The following TNS4 variants were observed in gnomAD, a reference collection of about 807,000 sequenced individuals.
TNS4 encodes tensin-4.
In TNS4, 46 loss-of-function variants were observed where a neutral mutation model predicts 70.4. The observed-to-expected ratio is 0.65, with a 90% CI of 0.52 to 0.84. TNS4 has a LOEUF of 0.84. TNS4 is among the 40% of genes least tolerant of loss of function. TNS4 has a pLI of 0.00. For missense variants in TNS4, 863 were observed against 907.0 expected, an observed-to-expected ratio of 0.95 and a Z score of 0.62; for synonymous variants, 390 against 366.6, an observed-to-expected ratio of 1.06 and a Z score of -0.73.
chr17:40,497,534 C>G (rs2036160545), intron 1 of TNS4, among the ~76,000 whole-genome samples: 1 of 152,166 alleles, frequency 6.6e-6, no homozygotes, highest in Non-Finnish European at 1.5e-5. Flanking sequence ...AGCTGGGAGG[C>G]AGAGGTTGCA....
At chr17:40,487,858 A>G (rs931533836) in intron 3 of TNS4, among the ~76,000 whole-genome samples, 1 of 152,196 alleles carries the variant, frequency 6.6e-6, no homozygotes, top group African/African-American at 2.4e-5. Context: ...ACCGTGGCTG[A>G]TGCAGAGGGA....
At chr17:40,478,264 C>T (rs1276776589) in intron 12 of TNS4, 43 bp downstream of exon 12, 11 of 1,613,236 alleles carry the variant, frequency 6.8e-6, no homozygotes, top group Non-Finnish European at 9.3e-6. Context: ...CTGCAGTTCC[C>T]TCCCCATGTT....
At chr17:40,490,205 G>A (rs2036049965) in intron 2 of TNS4, among the ~76,000 whole-genome samples, 1 of 152,236 alleles carries the variant, frequency 6.6e-6, no homozygotes, top group African/African-American at 2.4e-5. Flanking sequence ...CCAGGCTGCC[G>A]ACGCGCTCCA....
In TNS4 at chr17:40,477,350, A is replaced by T; in HGVS notation, c.*238T>A. The T allele has an allele frequency of 2.0e-6, 1 of 504,786 alleles. No homozygotes were observed. Among genetic ancestry groups the T allele is most frequent in the Non-Finnish European group, 3.5e-6 (1 of 284,178 alleles). 31.3% of individuals were successfully genotyped at this position (504,786 alleles called of 1,614,324 possible). ...CAAATGCCCACCAGCATCTAAGAAC[A>T]GCTGATCTTGTCTATTGGTCTTCTT... is the stretch of plus-strand genomic sequence containing the variant. On this transcript the variant is annotated 3_prime_UTR_variant, in exon 13 of 13. Coordinates refer to ENST00000254051, the MANE Select transcript of TNS4 (RefSeq NM_032865.6).
chr17:40,482,140 A>G lies in TNS4; in HGVS notation c.1661T>C (p.Ile554Thr). 1 of 1,614,152 alleles carries G rather than the reference A, an allele frequency of 6.2e-7. No individual in the cohort carries two copies. The highest frequency in any genetic ancestry group is 8.5e-7 in the Non-Finnish European group (1 of 1,180,032). ...MALALPCKLTIPQRELGGADG... is the reference protein window; with the variant it reads ...MALALPCKLTTPQRELGGADG... ...GGGCCCAGACCCACCTCTCTGTGGG[A>G]TGGTGAGTTTGCAGGGCAGGGCCAG... is the stretch of plus-strand genomic sequence containing the variant. Residue 554 changes from isoleucine (I) to threonine (T), a missense_variant, in exon 8 of 13, where the codon ATC becomes ACC. By Grantham distance (89) the Ile-to-Thr change is moderately conservative. Coordinates refer to ENST00000254051, the MANE Select transcript of TNS4 (RefSeq NM_032865.6).
At chr17:40,498,515 T>C (rs1374690316) in intron 1 of TNS4, among the ~76,000 whole-genome samples, 1 of 152,218 alleles carries the variant, frequency 6.6e-6, no homozygotes, top group African/African-American at 2.4e-5. Flanking sequence ...GGTAACTCAA[T>C]CCTCTCACAG....
rs558482678 is a variant in TNS4, at chr17:40,493,349, T to C, written c.439+2638A>G. On this transcript the variant is annotated intron_variant, in intron 2 of 12. Transcript: ENST00000254051. ...GATGAGATTGTAAAATGGCAGGGGATCCTCCACTCTGAATACATTTCGAGG... is the reference window on the plus strand; with the variant it reads ...GATGAGATTGTAAAATGGCAGGGGACCCTCCACTCTGAATACATTTCGAGG... Among the ~76,000 whole-genome samples the C allele has an allele frequency of 3.3e-5, 5 of 152,236 alleles. No homozygotes were observed. The South Asian group carries it at 1.0e-3, about 32-fold the overall frequency.
rs567232923 is a variant in TNS4, at chr17:40,484,785, G to A, written c.1375+136C>T. The stretch of plus-strand genomic sequence containing the variant: ...GGTTCCTACTTCCTCGGGAGGTCAT[G>A]AGGTCAGCAGGACATCCCCCTCCCC... On this transcript the variant is annotated intron_variant, in intron 5 of 12. Coordinates refer to ENST00000254051, the MANE Select transcript of TNS4 (RefSeq NM_032865.6). 1.0e-5 allele frequency: 14 copies of A among 1,356,114 alleles called. No individual in the cohort carries two copies. The African/African-American group carries it at 1.6e-4, about 15-fold the overall frequency. 84.0% of individuals were successfully genotyped at this position (1,356,114 alleles called of 1,614,324 possible).
At chr17:40,482,239 A>G (rs369563494) in intron 7 of TNS4, 33 bp from the exon 8 acceptor site, 11 of 1,613,836 alleles carry the variant, frequency 6.8e-6, no homozygotes, top group African/African-American at 1.3e-5. Flanking sequence ...GCATGAGTAG[A>G]GCTTCCCCAA....
Position 40,496,413 on chromosome 17 carries a change from T to A in TNS4, c.13A>T (p.Met5Leu). The A allele has an allele frequency of 1.2e-6, 2 of 1,612,382 alleles. No homozygotes were observed. The highest frequency in any genetic ancestry group is 1.7e-6 in the Non-Finnish European group (2 of 1,179,860). The change falls in exon 2 of 13, where the codon ATG (methionine) becomes TTG (leucine). Residue 5 changes from methionine (M) to leucine (L), a missense_variant. Physicochemically the swap from Met to Leu is conservative, Grantham distance 15. Transcript: ENST00000254051. The stretch of plus-strand genomic sequence containing the variant: ...CCTCCTGCCAGCAGTGGGCTGGACA[T>A]CACCTGGGACATGGTGGGGGTGGTG... MSQV[M>L]SSPLLAGGHA...
intron 2 of TNS4, among the ~76,000 whole-genome samples, chr17:40,495,513 T>A (rs1182703067): frequency 6.6e-6 from 1 of 152,142 alleles, no homozygotes; most frequent in East Asian, 1.9e-4. Flanking sequence ...CCTAAACAGA[T>A]GCCCCAATCC....
In TNS4 at chr17:40,496,127, A is replaced by C. The variant is rs1316444849; in HGVS notation, c.299T>G (p.Phe100Cys). The C allele has an allele frequency of 2.5e-6, 4 of 1,610,172 alleles. No individual in the cohort carries two copies. The African/African-American group carries it at 5.4e-5, about 22-fold the overall frequency. Residue 100 changes from phenylalanine (F) to cysteine (C), a missense_variant, in exon 2 of 13, where the codon TTC (phenylalanine) becomes TGC (cysteine). Coordinates refer to ENST00000254051, the MANE Select transcript of TNS4 (RefSeq NM_032865.6). ...TPEDLDSYID[F>C]SLESLNQMIL... ...CATCTGATTGAGGCTCTCCAGTGAG[A>C]AGTCAATGTAGGAGTCAAGGTCCTC...
Position 40,500,398 on chromosome 17 carries a change from C to A in TNS4, c.-96+1136G>T, listed in dbSNP as rs1028025651. ...GAATGCTGCCCCCTTCGCGGCCCCG[C>A]ACACTCCTCTAACTTGCTCTTTCTT... On this transcript the variant is annotated intron_variant, in intron 1 of 12. Transcript: ENST00000254051. 2.0e-5 allele frequency among the ~76,000 whole-genome samples: 3 copies of A among 152,336 alleles called. No homozygotes were observed. In the South Asian group the frequency reaches 6.2e-4, roughly 32 times the overall value.
intron 8 of TNS4, among the ~76,000 whole-genome samples, chr17:40,481,351 CTCTT>C (rs752460637): frequency 6.6e-6 from 1 of 151,978 alleles, no homozygotes. Context: ...CCTTCTTTCT[CTCTT>C]TCTCTCTTTC....
chr17:40,498,798 C>G (rs996118840), intron 1 of TNS4, among the ~76,000 whole-genome samples: 4 of 152,194 alleles, frequency 2.6e-5, no homozygotes, highest in Non-Finnish European at 5.9e-5. Context: ...CTCCTCCTTC[C>G]TCGGCCTCCC....
At chr17:40,484,175 G>T (rs2035961519) in intron 6 of TNS4, among the ~76,000 whole-genome samples, 1 of 152,222 alleles carries the variant, frequency 6.6e-6, no homozygotes, top group Non-Finnish European at 1.5e-5. Flanking sequence ...AATCCAGTTT[G>T]ACTCCAAGAA....
In TNS4 at chr17:40,476,869, A is replaced by G. The variant is rs1463474614; in HGVS notation, c.*719T>C. On this transcript the variant is annotated 3_prime_UTR_variant, in exon 13 of 13. Coordinates refer to ENST00000254051, the MANE Select transcript of TNS4 (RefSeq NM_032865.6). ...CAGTGAGACTCTGTCTCAAAAAAAAATAAAAATAAAAACCAAGTGGAAAGA... is the reference window on the plus strand; with the variant it reads ...CAGTGAGACTCTGTCTCAAAAAAAAGTAAAAATAAAAACCAAGTGGAAAGA... 6.7e-6 allele frequency: 1 copy of G among 150,188 alleles called. No homozygotes were observed. The highest frequency in any genetic ancestry group is 1.5e-5 in the Non-Finnish European group (1 of 67,842). The allele number at this position is 150,188 out of a possible 1,614,324, so 9.3% of individuals were successfully genotyped here.
intron 1 of TNS4, among the ~76,000 whole-genome samples, chr17:40,496,944 T>G (rs1032471780): frequency 6.6e-6 from 1 of 152,218 alleles, no homozygotes; most frequent in Non-Finnish European, 1.5e-5. Flanking sequence ...TTAAAAATCC[T>G]TATAACAACT....
rs951539035 is a variant in TNS4, at chr17:40,476,245, G to T, written c.*1343C>A. 2.0e-5 allele frequency: 3 copies of T among 150,202 alleles called. No homozygotes were observed. The highest frequency in any genetic ancestry group is 4.9e-5 in the African/African-American group (2 of 40,756). 9.3% of individuals were successfully genotyped at this position (150,202 alleles called of 1,614,324 possible). ...GGAGGCTGGGTGGGGGTGGGGTGGG[G>T]GTGGGTGTGGGATAGAGCCCAGCTC... On this transcript the variant is annotated 3_prime_UTR_variant, in exon 13 of 13. Coordinates refer to ENST00000254051, the MANE Select transcript of TNS4 (RefSeq NM_032865.6).
Sources: allele counts gnomAD v4.1 joint callset (sites outside exome capture counted in the v4.1 genomes callset), GRCh38; gene constraint gnomAD v4.1.1; transcripts MANE v1.5; gene names NCBI Gene and HGNC (gene_info 2026-07-23, HGNC 2026-07-21).